TRIL: variants seen among roughly 807,000 people sequenced by gnomAD.
TRIL encodes TLR4 interactor with leucine rich repeats.
TRIL carries 23 observed loss-of-function variants against 43.0 expected under a neutral mutation model. The observed-to-expected ratio is 0.54, with a 90% CI of 0.39 to 0.76. TRIL has a LOEUF of 0.76. TRIL is among the 30% of genes least tolerant of loss of function. TRIL has a pLI of 0.00. For missense variants in TRIL, 1,114 were observed against 1,139.3 expected (o/e 0.98, Z 0.32); for synonymous variants, 602 against 556.8 (o/e 1.08, Z -1.14).
chr7:28,956,303 A>T lies in TRIL; in HGVS notation c.1744T>A (p.Phe582Ile). The stretch of plus-strand genomic sequence containing the variant: ...AGGTTGCACAGAATGAACTTGTTGA[A>T]GTCGCATGGGTCGGACACCAGCGGC... Reference protein sequence around the residue: ...LPPLVSDPCDFNKFILCNLTV... With the variant: ...LPPLVSDPCDINKFILCNLTV... The change falls in exon 1 of 1, where the codon TTC becomes ATC. Residue 582 changes from phenylalanine to isoleucine, a missense_variant. Physicochemically the swap from Phe to Ile is conservative, Grantham distance 21 (BLOSUM62 0). Transcript: ENST00000539664. 6.5e-7 allele frequency: 1 copy of T among 1,545,090 alleles called. No individual in the cohort carries two copies. Among genetic ancestry groups the T allele is most frequent in the Non-Finnish European group, 8.7e-7 (1 of 1,151,452 alleles).
At position 28,955,090 on chromosome 7, in the gene TRIL, G is replaced by GTTT; in HGVS notation, c.*520_*521insAAA. 6.5e-6 allele frequency: 1 copy of GTTT among 154,046 alleles called. No homozygotes were observed. The highest frequency in any genetic ancestry group is 1.4e-5 in the Non-Finnish European group (1 of 69,512). 9.5% of individuals were successfully genotyped at this position (154,046 alleles called of 1,614,324 possible). On this transcript the variant is annotated 3_prime_UTR_variant, in exon 1 of 1. Transcript: ENST00000539664. ...ATCAGCCAACATAAACGAGTTCCTT[G>GTTT]GCGGGTATGTTAAACTTTACCACCT...
In TRIL at chr7:28,957,717, T is replaced by C; in HGVS notation, c.330A>G (p.Glu110=). The C allele has an allele frequency of 6.2e-7, 1 of 1,612,512 alleles. No homozygotes were observed. Among genetic ancestry groups the C allele is most frequent in the Non-Finnish European group, 8.5e-7 (1 of 1,179,270 alleles). The change falls in exon 1 of 1, where the codon GAA becomes GAG. Residue 110 remains glutamate, a synonymous_variant. Transcript: ENST00000539664. The stretch of plus-strand genomic sequence containing the variant: ...AGAGGTTGTTCCCCAGGTACAGCTC[T>C]TCCAGCCGCGAGAGCTTCTCGAAGG... ...PKTFEKLSRL[E]ELYLGNNLLQ...
rs1297388725 is a variant in TRIL, at chr7:28,955,665, G to A, written c.2382C>T (p.Gly794=). ...CCTCCCGTCTCAGGCTGCCGCCCGC[G>A]CCGCCGCCCGCACTGTCCATGAAGC... ...CDRFMDSAGG[G]AGGSLRREDR... Residue 794 remains glycine, a synonymous_variant, in exon 1 of 1, where the codon GGC becomes GGT. Transcript: ENST00000539664. 3 of 1,547,718 alleles carry A rather than the reference G, an allele frequency of 1.9e-6. No individual in the cohort carries two copies. The East Asian group carries it at 7.3e-5, about 38-fold the overall frequency.
In TRIL at chr7:28,955,917, C is replaced by G; in HGVS notation, c.2130G>C (p.Val710=). ...ACGCCCAGGCCGCCAAGGCCAGGAG[C>G]ACCAGCAGCGCGTTGACCGTCAGCA... ...LALLTVNALL[V]LLALAAWASR... Residue 710 remains valine (V), a synonymous_variant, in exon 1 of 1, where the codon GTG becomes GTC. Transcript: ENST00000539664. The G allele has an allele frequency of 6.4e-7, 1 of 1,552,750 alleles. No individual in the cohort carries two copies. The highest frequency in any genetic ancestry group is 8.7e-7 in the Non-Finnish European group (1 of 1,150,076).
rs749554503 is a variant in TRIL, at chr7:28,957,242, C to T, written c.805G>A (p.Ala269Thr). 1.7e-5 allele frequency: 27 copies of T among 1,607,488 alleles called. No individual in the cohort carries two copies. Among genetic ancestry groups the T allele is most frequent in the Non-Finnish European group, 2.1e-5 (25 of 1,179,560 alleles). Residue 269 changes from alanine (A) to threonine (T), a missense_variant, in exon 1 of 1, where the codon GCG becomes ACG. Coordinates refer to ENST00000539664, the MANE Select transcript of TRIL (RefSeq NM_014817.4). ...TCCAAGCCCCAAAAGGCCTCAGGCG[C>T]GAGGTGCGTGAGCTGGTTGCCCCTG... ...SLRGNQLTHL[A>T]PEAFWGLEAL...
rs961904227 is a variant in TRIL at position 28,957,786 on chromosome 7, C to A, written c.261G>T (p.Arg87=). The change falls in exon 1 of 1, where the codon CGG becomes CGT. Residue 87 remains arginine (R), a synonymous_variant. Coordinates refer to ENST00000539664, the MANE Select transcript of TRIL (RefSeq NM_014817.4). ...GGATCTGGTTGTACTGCAGGTCCAG[C>A]CGTCTGAGCTGCCCCAGACGGTGGA... ...FDFHRLGQLR[R]LDLQYNQIRS... is the part of the protein sequence containing the mutation. 15 of 1,613,858 alleles carry A rather than the reference C, an allele frequency of 9.3e-6. No individual in the cohort carries two copies. Among genetic ancestry groups the A allele is most frequent in the Non-Finnish European group, 1.0e-5 (12 of 1,179,868 alleles).
chr7:28,955,816 G>A lies in TRIL; in HGVS notation c.2231C>T (p.Thr744Ile). 1.3e-6 allele frequency: 2 copies of A among 1,549,958 alleles called. No homozygotes were observed. The highest frequency in any genetic ancestry group is 1.7e-6 in the Non-Finnish European group (2 of 1,146,746). ...GCCCATGGAGCGCAGGGGCCGTCGG[G>A]TGGAGTACATGTGCCGAACGTGGAC... ...APVHVRHMYS[T>I]RRPLRSMGTG... Residue 744 changes from threonine (T) to isoleucine (I), a missense_variant, in exon 1 of 1, where the codon ACC becomes ATC. Thr to Ile is a moderately conservative substitution (Grantham distance 89, BLOSUM62 -1). Coordinates refer to ENST00000539664, the MANE Select transcript of TRIL (RefSeq NM_014817.4).
Position 28,956,024 on chromosome 7 carries a change from G to T in TRIL, c.2023C>A (p.Arg675=). The part of the protein sequence containing the change: ...LGGRVCPVAP[R]DHCAGLVTLP... ...GTGACCAGCCCCGCGCAGTGGTCCC[G>T]GGGAGCCACAGGGCAGACACGGCCC... The change falls in exon 1 of 1, where the codon CGG becomes AGG. Residue 675 remains arginine (R), a synonymous_variant. Coordinates refer to ENST00000539664, the MANE Select transcript of TRIL (RefSeq NM_014817.4). The T allele has an allele frequency of 6.5e-7, 1 of 1,549,906 alleles. No homozygotes were observed. The highest frequency in any genetic ancestry group is 8.7e-7 in the Non-Finnish European group (1 of 1,152,554).
Position 28,955,634 on chromosome 7 carries a change from G to A in TRIL, c.2413C>T (p.Leu805Phe), listed in dbSNP as rs949076392. 6.5e-7 allele frequency: 1 copy of A among 1,543,890 alleles called. No individual in the cohort carries two copies. Among genetic ancestry groups the A allele is most frequent in the Non-Finnish European group, 8.7e-7 (1 of 1,145,732 alleles). The change falls in exon 1 of 1, where the codon CTC (leucine) becomes TTC (phenylalanine). Residue 805 changes from leucine to phenylalanine, a missense_variant. Leu to Phe is a conservative substitution (Grantham distance 22). Coordinates refer to ENST00000539664, the MANE Select transcript of TRIL (RefSeq NM_014817.4). ...AGGSLRREDR[L>F]LQRFAD ...ACCTAGTCGGCAAATCGCTGCAGGA[G>A]ACGGTCCTCCCGTCTCAGGCTGCCG... is the stretch of plus-strand genomic sequence containing the variant.
In TRIL at chr7:28,956,225, C is replaced by G. The variant is rs746723644; in HGVS notation, c.1822G>C (p.Glu608Gln). The G allele has an allele frequency of 6.4e-7, 1 of 1,554,174 alleles. No homozygotes were observed. Among genetic ancestry groups the G allele is most frequent in the Admixed American group, 1.9e-5 (1 of 52,074 alleles). Reference sequence around the variant, plus strand: ...CCCAGCGGCCGGGGACTGCGGTGCTCGCGCACGGCCCAGCGCACCGAGGCG... The same window carrying G: ...CCCAGCGGCCGGGGACTGCGGTGCTGGCGCACGGCCCAGCGCACCGAGGCG... ...DSASVRWAVR[E>Q]HRSPRPLGGA... The change falls in exon 1 of 1, where the codon GAG (glutamate) becomes CAG (glutamine). Residue 608 changes from glutamate to glutamine, a missense_variant. Glu to Gln is a conservative substitution (Grantham distance 29). Transcript: ENST00000539664.
chr7:28,955,954 A>G lies in TRIL; in HGVS notation c.2093T>C (p.Leu698Pro). ...GTTGACCGTCAGCAGGGCCAAGGTC[A>G]GCAGCTGGTAGTCGACGCCGCCCCG... Reference protein sequence around the residue: ...GSRGGVDYQLLTLALLTVNAL... With the variant: ...GSRGGVDYQLPTLALLTVNAL... Residue 698 changes from leucine to proline, a missense_variant, in exon 1 of 1, where the codon CTG becomes CCG. Leu to Pro is a moderately conservative substitution (Grantham distance 98, BLOSUM62 -3). Coordinates refer to ENST00000539664, the MANE Select transcript of TRIL (RefSeq NM_014817.4). The G allele has an allele frequency of 6.4e-7, 1 of 1,554,262 alleles. No individual in the cohort carries two copies. Among genetic ancestry groups the G allele is most frequent in the East Asian group, 2.4e-5 (1 of 41,622 alleles).
In TRIL at chr7:28,955,764, T is replaced by G; in HGVS notation, c.2283A>C (p.Gly761=). Residue 761 remains glycine (G), a synonymous_variant, in exon 1 of 1, where the codon GGA becomes GGC. Transcript: ENST00000539664. ...MGTGVSADFS[G]FQSHRPRTTV... ...TGGTGCGTGGCCGGTGCGACTGGAA[T>G]CCCGAGAAGTCGGCGGACACGCCGG... is the stretch of plus-strand genomic sequence containing the variant. The G allele has an allele frequency of 2.6e-6, 4 of 1,550,254 alleles. No homozygotes were observed. Among genetic ancestry groups the G allele is most frequent in the Non-Finnish European group, 3.5e-6 (4 of 1,146,866 alleles).
chr7:28,955,614 G>C lies in TRIL; in HGVS notation c.2433C>G (p.Asp811Glu), dbSNP rs1783384335. The C allele has an allele frequency of 6.5e-7, 1 of 1,536,792 alleles. No individual in the cohort carries two copies. Among genetic ancestry groups the C allele is most frequent in the Admixed American group, 2.0e-5 (1 of 50,626 alleles). ...ATGGTCTCTATATGCCCTGGACCTA[G>C]TCGGCAAATCGCTGCAGGAGACGGT... ...REDRLLQRFA[D>E] The change falls in exon 1 of 1, where the codon GAC becomes GAG. Residue 811 changes from aspartate (D) to glutamate (E), a missense_variant. Coordinates refer to ENST00000539664, the MANE Select transcript of TRIL (RefSeq NM_014817.4).
rs193239046 is a variant in TRIL at position 28,954,446 on chromosome 7, T to C, written c.*1165A>G. ...TTAGTAGAACAGATACCCACTGGTG[T>C]ATTTTTTTCACATTTGTTTTCTATA... On this transcript the variant is annotated 3_prime_UTR_variant, in exon 1 of 1. Coordinates refer to ENST00000539664, the MANE Select transcript of TRIL (RefSeq NM_014817.4). The C allele has an allele frequency of 6.5e-6, 1 of 152,782 alleles. No homozygotes were observed. The highest frequency in any genetic ancestry group is 1.9e-4 in the East Asian group (1 of 5,184). 9.5% of individuals were successfully genotyped at this position (152,782 alleles called of 1,614,324 possible).
Position 28,957,397 on chromosome 7 carries a change from G to A in TRIL, c.650C>T (p.Pro217Leu). Residue 217 changes from proline to leucine, a missense_variant, in exon 1 of 1, where the codon CCC (proline) becomes CTC (leucine). Coordinates refer to ENST00000539664, the MANE Select transcript of TRIL (RefSeq NM_014817.4). ...GAAGGTGGCCGCGTGGCGCAGGGAGGGCTGTAGCTCGTTGGCAGAGAGGTT... is the reference window on the plus strand; with the variant it reads ...GAAGGTGGCCGCGTGGCGCAGGGAGAGCTGTAGCTCGTTGGCAGAGAGGTT... ...FLNLSANELQ[P>L]SLRHAATFAP... The A allele has an allele frequency of 6.2e-7, 1 of 1,613,506 alleles. No individual in the cohort carries two copies. The highest frequency in any genetic ancestry group is 8.5e-7 in the Non-Finnish European group (1 of 1,179,854).
rs1783352762 is a variant in TRIL at position 28,953,436 on chromosome 7, C to G, written c.*2175G>C. ...TTATTCATCTCCCACTGAAAGACTT[C>G]CCAGTGAAACTAAAGTAGAACACAG... On this transcript the variant is annotated 3_prime_UTR_variant, in exon 1 of 1. Transcript: ENST00000539664. 1 of 152,590 alleles carries G rather than the reference C, an allele frequency of 6.6e-6. No homozygotes were observed. Among genetic ancestry groups the G allele is most frequent in the Admixed American group, 6.5e-5 (1 of 15,274 alleles). 9.5% of individuals were successfully genotyped at this position (152,590 alleles called of 1,614,324 possible).
In TRIL at chr7:28,957,490, A is replaced by C. The variant is rs1783425180; in HGVS notation, c.557T>G (p.Leu186Arg). The C allele has an allele frequency of 2.5e-6, 4 of 1,613,152 alleles. No homozygotes were observed. Among genetic ancestry groups the C allele is most frequent in the Admixed American group, 3.3e-5 (2 of 60,004 alleles). ...APLGNLLYLH[L>R]ESNRIRFLGK... ...CAGAAAGCGGATCCGGTTGGACTCCAGATGTAGGTAGAGCAGGTTGCCCAA... is the reference window on the plus strand; with the variant it reads ...CAGAAAGCGGATCCGGTTGGACTCCCGATGTAGGTAGAGCAGGTTGCCCAA... The change falls in exon 1 of 1, where the codon CTG becomes CGG. Residue 186 changes from leucine to arginine, a missense_variant. Leu to Arg is a moderately radical substitution (Grantham distance 102). Coordinates refer to ENST00000539664, the MANE Select transcript of TRIL (RefSeq NM_014817.4).
rs1438941402 is a variant in TRIL at position 28,953,967 on chromosome 7, G to C, written c.*1644C>G. 1.3e-5 allele frequency: 2 copies of C among 152,726 alleles called. No homozygotes were observed. The highest frequency in any genetic ancestry group is 1.5e-5 in the Non-Finnish European group (1 of 68,134). The allele number at this position is 152,726 out of a possible 1,614,324, so 9.5% of individuals were successfully genotyped here. A position where few individuals can be genotyped will look rare whatever the true frequency, so the allele number is the denominator to read the frequency against. ...GGGTGAAAGACCCGGGGCTGTGATG[G>C]ATTCCCTGAGTCACCAGGACCCTCA... is the stretch of plus-strand genomic sequence containing the variant. On this transcript the variant is annotated 3_prime_UTR_variant, in exon 1 of 1. Coordinates refer to ENST00000539664, the MANE Select transcript of TRIL (RefSeq NM_014817.4).
Position 28,956,490 on chromosome 7 carries a change from A to G in TRIL, c.1557T>C (p.Arg519=). 1 of 1,569,682 alleles carries G rather than the reference A, an allele frequency of 6.4e-7. No homozygotes were observed. Among genetic ancestry groups the G allele is most frequent in the Non-Finnish European group, 8.6e-7 (1 of 1,165,834 alleles). The part of the protein sequence containing the change: ...LDLHKKPQRG[R]PTRADPALAE... ...CGAGGGCGGGATCTGCCCGAGTCGG[A>G]CGGCCCCGCTGGGGCTTCTTGTGCA... Residue 519 remains arginine (R), a synonymous_variant, in exon 1 of 1, where the codon CGT becomes CGC. Transcript: ENST00000539664.
Sources: gnomAD v4.1 joint callset for allele counts on GRCh38, gnomAD v4.1.1 for gene constraint, MANE v1.5 for transcripts, NCBI Gene and HGNC (gene_info 2026-07-23, HGNC 2026-07-21) for gene names.